Variants in LRP1B observed in about 807,000 individuals in gnomAD.
LRP1B encodes low-density lipoprotein receptor-related protein 1B.
LRP1B carries 217 observed loss-of-function variants against 556.6 expected under a neutral mutation model. That is an observed-to-expected ratio of 0.39 (90% CI 0.35 to 0.44). The LOEUF (loss-of-function observed/expected upper bound fraction) is 0.44, where lower values mean the gene tolerates loss of function less well. LRP1B is among the 20% of genes least tolerant of loss of function. LRP1B has a pLI of 1.00. For synonymous variants in LRP1B, 2,047 were observed against 1,865.8 expected, an observed-to-expected ratio of 1.10 and a Z score of -2.50; for missense variants, 5,053 against 5,620.8, an observed-to-expected ratio of 0.90 and a Z score of 3.23.
At chr2:141,308,646 ATAT>A (rs1463129932) in intron 3 of LRP1B, among the ~76,000 whole-genome samples, 12 of 152,288 alleles carry the variant, frequency 7.9e-5, no homozygotes, top group Middle Eastern at 3.4e-3. Flanking sequence ...TGTTTTGTTG[ATAT>A]TATATTAATA....
chr2:141,438,913 T>C (rs930481089), intron 3 of LRP1B, among the ~76,000 whole-genome samples: 1 of 152,134 alleles, frequency 6.6e-6, no homozygotes, highest in African/African-American at 2.4e-5. Flanking sequence ...AGAACATATT[T>C]TAGGATAAAA....
intron 66 of LRP1B, among the ~76,000 whole-genome samples, chr2:140,404,870 C>T (rs899295753): frequency 2.6e-5 from 4 of 152,156 alleles, no homozygotes; most frequent in African/African-American, 7.2e-5. Context: ...CTCTAGAACA[C>T]ATTGACTTAA....
In LRP1B at chr2:140,624,291, C is replaced by A. The variant is rs181550473; in HGVS notation, c.6800-22652G>T. Among the ~76,000 whole-genome samples the A allele has an allele frequency of 9.9e-5, 15 of 152,196 alleles. No homozygotes were observed. In the East Asian group the frequency reaches 1.9e-3, roughly 20 times the overall value. On this transcript the variant is annotated intron_variant, in intron 41 of 90. Coordinates refer to ENST00000389484, the MANE Select transcript of LRP1B (RefSeq NM_018557.3). ...ACCATGCAAACTTTAGTTCTGAAATCTGAAGCTTGTTCATGCATCCTATCC... is the reference window on the plus strand; with the variant it reads ...ACCATGCAAACTTTAGTTCTGAAATATGAAGCTTGTTCATGCATCCTATCC...
At chr2:141,923,952 C>A (rs1320491301) in intron 1 of LRP1B, among the ~76,000 whole-genome samples, 2 of 151,890 alleles carry the variant, frequency 1.3e-5, no homozygotes, top group African/African-American at 4.8e-5. Context: ...TTGTGATTAC[C>A]TAGTCATAGG....
At chr2:141,193,494 C>G (rs1240364728) in intron 6 of LRP1B, among the ~76,000 whole-genome samples, 1 of 151,860 alleles carries the variant, frequency 6.6e-6, no homozygotes, top group Non-Finnish European at 1.5e-5. Flanking sequence ...AAACAGAAAT[C>G]AAAATACTTC....
At position 140,501,705 on chromosome 2, in the gene LRP1B, G is replaced by T. The variant is rs769739604; in HGVS notation, c.8832C>A (p.Asp2944Glu). 23 of 1,610,438 alleles carry T rather than the reference G, an allele frequency of 1.4e-5. No homozygotes were observed. Among genetic ancestry groups the T allele is most frequent in the South Asian group, 7.7e-5 (7 of 90,620 alleles). ...KVSGCSQDCQ[D>E]LPVSYKCKCW... ...TACCTACCTTATAACTGACCGGAAGGTCTTGACAGTCTTGAGAACATCCAC... is the reference window on the plus strand; with the variant it reads ...TACCTACCTTATAACTGACCGGAAGTTCTTGACAGTCTTGAGAACATCCAC... The change falls in exon 55 of 91, where the codon GAC becomes GAA. Residue 2944 changes from aspartate to glutamate, a missense_variant. Asp to Glu is a conservative substitution (Grantham distance 45). This residue lies in a region of LRP1B where 3,619 missense variants were observed against 3,931.9 expected (regional missense o/e 0.92). Coordinates refer to ENST00000389484, the MANE Select transcript of LRP1B (RefSeq NM_018557.3).
intron 85 of LRP1B, among the ~76,000 whole-genome samples, chr2:140,270,983 C>T (rs1573714913): frequency 6.6e-6 from 1 of 151,786 alleles, no homozygotes; most frequent in South Asian, 2.1e-4. Flanking sequence ...AATATGGCAA[C>T]AAAGTAATGA....
chr2:141,587,770 T>C (rs988030919), intron 2 of LRP1B, among the ~76,000 whole-genome samples: 12 of 152,146 alleles, frequency 7.9e-5, no homozygotes, highest in African/African-American at 2.9e-4. Flanking sequence ...AAATACTTAA[T>C]GCTCATGTAA....
At chr2:141,923,914 C>T (rs1020549020) in intron 1 of LRP1B, among the ~76,000 whole-genome samples, 1 of 151,700 alleles carries the variant, frequency 6.6e-6, no homozygotes, top group African/African-American at 2.4e-5. Context: ...GGCATTGCAC[C>T]CAAATATTTT....
intron 2 of LRP1B, among the ~76,000 whole-genome samples, chr2:141,771,206 CA>C (rs1342654035): frequency 3.3e-5 from 5 of 152,088 alleles, no homozygotes; most frequent in African/African-American, 1.2e-4. Context: ...AAGTAACTCT[CA>C]ACTGGTCATT....
intron 7 of LRP1B, among the ~76,000 whole-genome samples, chr2:141,074,619 T>C (rs1427296708): frequency 1.0e-5 from 1 of 99,898 alleles, no homozygotes; most frequent in Non-Finnish European, 2.1e-5. Context: ...TTTTTATATA[T>C]ATATAAAACA....
At position 140,791,907 on chromosome 2, in the gene LRP1B, C is replaced by T. The variant is rs1690133745; in HGVS notation, c.5360-15669G>A. Among the ~76,000 whole-genome samples the T allele has an allele frequency of 2.0e-5, 3 of 152,220 alleles. 1 individual carries two copies. The highest frequency in any genetic ancestry group is 7.2e-5 in the African/African-American group (3 of 41,534). On this transcript the variant is annotated intron_variant, in intron 32 of 90. Transcript: ENST00000389484. ...CAGCAAATGAAGGAAGAATTCTTTGCCTTCCTTTTTTCTACCTGAAAGTAG... is the reference window on the plus strand; with the variant it reads ...CAGCAAATGAAGGAAGAATTCTTTGTCTTCCTTTTTTCTACCTGAAAGTAG...
chr2:140,598,878 C>A (rs2105190017), intron 42 of LRP1B, 43 bp from the exon 43 acceptor site: 1 of 1,337,068 alleles, frequency 7.5e-7, no homozygotes, highest in South Asian at 1.2e-5. Context: ...AACTTCTCAT[C>A]AAGAGTAAAA....
intron 65 of LRP1B, 50 bp downstream of exon 65, chr2:140,444,280 A>G (rs373015811): frequency 2.4e-5 from 39 of 1,604,278 alleles, no homozygotes; most frequent in Non-Finnish European, 6.0e-6. Context: ...TTTTAGACTT[A>G]TTTTAGGAGT....
In LRP1B at chr2:140,501,576, G is replaced by A. The variant is rs141402064; in HGVS notation, c.8850+111C>T. 5.9e-4 allele frequency: 393 copies of A among 671,606 alleles called. No homozygotes were observed. The African/African-American group carries it at 6.2e-3, about 11-fold the overall frequency. 41.6% of individuals were successfully genotyped at this position (671,606 alleles called of 1,614,324 possible). On this transcript the variant is annotated intron_variant, in intron 55 of 90. Coordinates refer to ENST00000389484, the MANE Select transcript of LRP1B (RefSeq NM_018557.3). Reference sequence around the variant, plus strand: ...CATATCGACACTCTCCATTCAATTCGTTTTAATATTATGATGGCTTTTAAC... The same window carrying A: ...CATATCGACACTCTCCATTCAATTCATTTTAATATTATGATGGCTTTTAAC...
intron 3 of LRP1B, among the ~76,000 whole-genome samples, chr2:141,385,081 CA>C (rs1689779660): frequency 6.6e-6 from 1 of 152,082 alleles, no homozygotes; most frequent in African/African-American, 2.4e-5. Flanking sequence ...CTGGTTTTCC[CA>C]ACACTTAGGA....
chr2:140,557,030 CG>C (rs1434016485), intron 43 of LRP1B, among the ~76,000 whole-genome samples: 1 of 152,062 alleles, frequency 6.6e-6, no homozygotes, highest in East Asian at 1.9e-4. Context: ...AAAACTACTA[CG>C]GGTTCTGACT....
At chr2:141,790,050 A>G (rs540319296) in intron 2 of LRP1B, among the ~76,000 whole-genome samples, 1 of 152,026 alleles carries the variant, frequency 6.6e-6, no homozygotes, top group East Asian at 1.9e-4. Flanking sequence ...TTCCACATTA[A>G]CAACGTCCTC....
rs1384566758 is a variant in LRP1B at position 141,467,102 on chromosome 2, G to GTATA, written c.343+13290_343+13293dup. Among the ~76,000 whole-genome samples, 218 of 84,338 alleles carry GTATA rather than the reference G, an allele frequency of 2.6e-3. 13 individuals are homozygous for GTATA. Among genetic ancestry groups the GTATA allele is most frequent in the African/African-American group, 0.012 (196 of 16,990 alleles). The allele number at this position is 84,338 out of a possible 152,430, so 55.3% of individuals were successfully genotyped here. A position where few individuals can be genotyped will look rare whatever the true frequency, so the allele number is the denominator to read the frequency against. Reference sequence around the variant, plus strand: ...TACACACACACACACATATATATGTGTATATATATATATATATATATCTAT... The same window carrying GTATA: ...TACACACACACACACATATATATGTGTATATATATATATATATATATATATCTAT... On this transcript the variant is annotated intron_variant, in intron 3 of 90. Transcript: ENST00000389484.
Sources: gnomAD v4.1 joint callset for allele counts (sites outside exome capture counted in the v4.1 genomes callset) on GRCh38, gnomAD v4.1.1 for gene constraint, gnomAD v4.1.1 regional missense constraint, MANE v1.5 for transcripts, NCBI Gene and HGNC (gene_info 2026-07-23, HGNC 2026-07-21) for gene names.